The following FAM227B variants were observed in gnomAD, a reference collection of about 807,000 sequenced individuals.
The protein encoded by FAM227B is family with sequence similarity 227 member B, also known as protein FAM227B.
Under a neutral mutation model 73.8 loss-of-function variants are expected in FAM227B, and 88 were observed. That is an observed-to-expected ratio of 1.19 (90% CI 1.00 to 1.42). The LOEUF (loss-of-function observed/expected upper bound fraction) is 1.42, where lower values mean the gene tolerates loss of function less well. FAM227B is among the 40% of genes most tolerant of loss of function. The pLI, the probability that FAM227B is intolerant of heterozygous loss-of-function variation, is 0.00. For missense variants in FAM227B, 632 were observed against 590.9 expected (o/e 1.07, Z -0.72); for synonymous variants, 210 against 190.5 (o/e 1.10, Z -0.84).
chr15:49,615,061 G>A, intron 2 of FAM227B, 60 bp downstream of exon 2: 2 of 1,518,074 alleles, frequency 1.3e-6, no homozygotes, highest in Non-Finnish European at 1.8e-6. Flanking sequence ...CTGATTACCT[G>A]AAATTCCAAG....
intron 3 of FAM227B, among the ~76,000 whole-genome samples, chr15:49,591,045 A>ATTTTTTTTTT (rs748799826): frequency 1.7e-4 from 12 of 72,544 alleles, no homozygotes; most frequent in East Asian, 4.4e-4. Context: ...TTTTTTTTTG[A>ATTTTTTTTTT]TTTTTTTTTT....
chr15:49,397,790 C>T (rs959653463), intron 11 of FAM227B, among the ~76,000 whole-genome samples: 2 of 152,052 alleles, frequency 1.3e-5, no homozygotes, highest in African/African-American at 4.8e-5. Flanking sequence ...TACAGACAAG[C>T]AAATGCTGAG....
intron 13 of FAM227B, among the ~76,000 whole-genome samples, chr15:49,364,210 C>T (rs951895623): frequency 6.6e-6 from 1 of 152,114 alleles, no homozygotes; most frequent in Non-Finnish European, 1.5e-5. Flanking sequence ...CTTTATATAT[C>T]TGGTGGAATT....
At chr15:49,615,355 C>G in intron 1 of FAM227B, 112 bp from the exon 2 acceptor site, 1 of 612,358 alleles carries the variant, frequency 1.6e-6, no homozygotes. Context: ...TAGTTTGGCT[C>G]TGTATCTCCA....
intron 13 of FAM227B, among the ~76,000 whole-genome samples, chr15:49,338,356 T>C (rs2040129344): frequency 1.3e-5 from 2 of 152,234 alleles, no homozygotes; most frequent in South Asian, 4.1e-4. Flanking sequence ...TCCTTGTCTG[T>C]AAAGATTTTA....
intron 9 of FAM227B, among the ~76,000 whole-genome samples, chr15:49,548,117 C>T (rs1458468221): frequency 6.6e-6 from 1 of 152,144 alleles, no homozygotes; most frequent in African/African-American, 2.4e-5. Flanking sequence ...GAAAAACTTT[C>T]AGTTTTTCCC....
intron 13 of FAM227B, among the ~76,000 whole-genome samples, chr15:49,337,912 C>T (rs1017603612): frequency 1.3e-5 from 2 of 152,158 alleles, no homozygotes; most frequent in African/African-American, 4.8e-5. Flanking sequence ...CACTGATGGA[C>T]ATTTGGGTTG....
intron 11 of FAM227B, among the ~76,000 whole-genome samples, chr15:49,447,492 AAG>A (rs1280549379): frequency 2.6e-5 from 4 of 151,696 alleles, no homozygotes; most frequent in Non-Finnish European, 4.4e-5. Flanking sequence ...ATGCTAGAAT[AAG>A]AGATTCTCAA....
At chr15:49,367,101 A>G (rs1365904045) in intron 13 of FAM227B, among the ~76,000 whole-genome samples, 1 of 152,244 alleles carries the variant, frequency 6.6e-6, no homozygotes, top group Non-Finnish European at 1.5e-5. Context: ...CTCTTTGGAG[A>G]AGGCTAGAAG....
chr15:49,526,724 A>G (rs561552359), intron 10 of FAM227B, among the ~76,000 whole-genome samples: 1 of 152,186 alleles, frequency 6.6e-6, no homozygotes, highest in African/African-American at 2.4e-5. Context: ...CTTACCACTG[A>G]TATCAGAGAA....
intron 13 of FAM227B, among the ~76,000 whole-genome samples, chr15:49,350,416 A>G (rs2042075259): frequency 6.6e-6 from 1 of 152,194 alleles, no homozygotes; most frequent in Non-Finnish European, 1.5e-5. Context: ...GCTCTAAATA[A>G]TCTATATTGC....
At chr15:49,547,972 G>A (rs59516957) in intron 9 of FAM227B, among the ~76,000 whole-genome samples, 49,853 of 151,976 alleles carry the variant, frequency 0.33, 8,951 homozygotes, top group African/African-American at 0.46. Context: ...AGAACAAATG[G>A]ACTTAACAGA....
At chr15:49,472,924 A>C (rs1019514089) in intron 11 of FAM227B, among the ~76,000 whole-genome samples, 1 of 152,188 alleles carries the variant, frequency 6.6e-6, no homozygotes, top group Non-Finnish European at 1.5e-5. Context: ...ATACATTTTA[A>C]TATACTCATG....
intron 13 of FAM227B, among the ~76,000 whole-genome samples, chr15:49,362,330 A>C (rs559635152): frequency 1.3e-5 from 2 of 152,258 alleles, no homozygotes; most frequent in African/African-American, 4.8e-5. Context: ...CCACCACGTG[A>C]AGAAGGTTCT....
At chr15:49,434,802 A>G (rs1334691065) in intron 11 of FAM227B, 1 of 151,582 alleles carries the variant, frequency 6.6e-6, no homozygotes, top group Non-Finnish European at 1.5e-5. Context: ...TTCACTGTGT[A>G]TGCTCAATCT....
At chr15:49,373,474 T>C (rs1477042756) in intron 11 of FAM227B, among the ~76,000 whole-genome samples, 1 of 152,110 alleles carries the variant, frequency 6.6e-6, no homozygotes, top group Non-Finnish European at 1.5e-5. Flanking sequence ...TTTTAGTGCT[T>C]CTTCTGTTCT....
At chr15:49,381,542 T>C (rs191201509) in intron 11 of FAM227B, among the ~76,000 whole-genome samples, 1 of 152,348 alleles carries the variant, frequency 6.6e-6, no homozygotes, top group Admixed American at 6.5e-5. Context: ...TATTTTTTGT[T>C]ATGTAAAATA....
intron 11 of FAM227B, among the ~76,000 whole-genome samples, chr15:49,505,169 A>T (rs1311320061): frequency 6.6e-6 from 1 of 152,194 alleles, no homozygotes; most frequent in Non-Finnish European, 1.5e-5. Flanking sequence ...TGCACTCTAT[A>T]TAATTTCATT....
chr15:49,459,429 T>C (rs12442143), intron 11 of FAM227B, among the ~76,000 whole-genome samples: 49,447 of 152,032 alleles, frequency 0.33, 8,763 homozygotes, highest in African/African-American at 0.45. Flanking sequence ...GTTGTACATT[T>C]TTGCAGTGCT....
Sources: gnomAD v4.1 joint callset for allele counts (sites outside exome capture counted in the v4.1 genomes callset) on GRCh38, gnomAD v4.1.1 for gene constraint, MANE v1.5 for transcripts, NCBI Gene and HGNC (gene_info 2026-07-23, HGNC 2026-07-21) for gene names.